DNAAF4: variants seen among roughly 807,000 people sequenced by gnomAD.
The protein encoded by DNAAF4 is dynein axonemal assembly factor 4, also known as dynein assembly factor 4, axonemal.
A neutral mutation model predicts 51.8 loss-of-function variants in DNAAF4; 43 were observed. The observed-to-expected ratio is 0.83, with a 90% CI of 0.65 to 1.07. The LOEUF is 1.07. DNAAF4 is among the 50% of genes least tolerant of loss of function. The probability of loss-of-function intolerance (pLI) is 0.00; values close to 1 mark genes in which losing one functional copy is unlikely to be tolerated. For synonymous variants in DNAAF4, 194 were observed against 165.6 expected (o/e 1.17, Z -1.32); for missense variants, 581 against 493.0 (o/e 1.18, Z -1.69).
rs753649614 is a variant in DNAAF4, at chr15:55,466,983, A to AT, written c.583dup (p.Ile195AsnfsTer4). Reference sequence around the variant, plus strand: ...ATTTCTAGTAAGACTCTTATATTTTATTTTTTTTCTTTCTTCTTTAATTTG... The same window carrying AT: ...ATTTCTAGTAAGACTCTTATATTTTATTTTTTTTTCTTTCTTCTTTAATTTG... On this transcript the variant is annotated frameshift_variant, in exon 5 of 10. Transcript: ENST00000321149. LOFTEE classifies it high-confidence loss of function. 2.4e-5 allele frequency: 38 copies of AT among 1,582,588 alleles called. No individual in the cohort carries two copies. Among genetic ancestry groups the AT allele is most frequent in the Non-Finnish European group, 2.9e-5 (34 of 1,169,916 alleles).
At chr15:55,483,037 G>T (rs1397668096) in intron 4 of DNAAF4, among the ~76,000 whole-genome samples, 1 of 152,134 alleles carries the variant, frequency 6.6e-6, no homozygotes, top group African/African-American at 2.4e-5. Flanking sequence ...TCCTCCAGGG[G>T]CTATGGTGGA....
chr15:55,503,063 A>T (rs905716669), intron 1 of DNAAF4, among the ~76,000 whole-genome samples: 2 of 152,200 alleles, frequency 1.3e-5, no homozygotes, highest in African/African-American at 4.8e-5. Flanking sequence ...AAAGAATCAA[A>T]TAGACGCAAT....
intron 5 of DNAAF4, 109 bp downstream of exon 5, chr15:55,466,821 T>C: frequency 7.4e-7 from 1 of 1,355,848 alleles, no homozygotes; most frequent in Non-Finnish European, 1.0e-6. Context: ...TTATTCTCAA[T>C]GTGCCAAAAC....
chr15:55,468,575 C>T (rs566092567), intron 4 of DNAAF4, among the ~76,000 whole-genome samples: 1 of 152,170 alleles, frequency 6.6e-6, no homozygotes, highest in Non-Finnish European at 1.5e-5. Context: ...GAGGAAGCCA[C>T]AACCTAAAAG....
At chr15:55,504,787 C>G (rs893752905) in intron 1 of DNAAF4, among the ~76,000 whole-genome samples, 1 of 152,158 alleles carries the variant, frequency 6.6e-6, no homozygotes, top group African/African-American at 2.4e-5. Context: ...GGATTAAAGA[C>G]TTAAATGTAA....
intron 3 of DNAAF4, among the ~76,000 whole-genome samples, chr15:55,493,292 T>C (rs952384145): frequency 8.5e-5 from 13 of 152,234 alleles, no homozygotes; most frequent in African/African-American, 3.1e-4. Context: ...CAGACTAAGA[T>C]ACTACTATTA....
At position 55,418,590 on chromosome 15, in the gene DNAAF4, T is replaced by C. The variant is rs140219582; in HGVS notation, c.1048-457A>G. The C allele has an allele frequency of 3.7e-3, 5,109 of 1,366,370 alleles. 16 individuals are homozygous for C. The highest frequency in any genetic ancestry group is 4.3e-3 in the Non-Finnish European group (4,425 of 1,026,934). 84.6% of individuals were successfully genotyped at this position (1,366,370 alleles called of 1,614,324 possible). On this transcript the variant is annotated intron_variant, in intron 7 of 7. Transcript: ENST00000448430. ...CTATGAAAATATATTCCTTTGTATA[T>C]TGAAGAGAAAATATACTCGGGAAAA...
chr15:55,467,303 G>A (rs1167139255), intron 4 of DNAAF4, 142 bp from the exon 5 acceptor site: 7 of 817,238 alleles, frequency 8.6e-6, no homozygotes, highest in Admixed American at 2.9e-5. Flanking sequence ...AGTGAATTAT[G>A]AATTAAAATG....
At chr15:55,505,002 A>G (rs1320602523) in intron 1 of DNAAF4, among the ~76,000 whole-genome samples, 1 of 152,210 alleles carries the variant, frequency 6.6e-6, no homozygotes, top group Non-Finnish European at 1.5e-5. Flanking sequence ...GAATGGGAGA[A>G]AATTTTTGCA....
At position 55,456,230 on chromosome 15, in the gene DNAAF4, C is replaced by T. The variant is rs113919401; in HGVS notation, c.638-5863G>A. Among the ~76,000 whole-genome samples the T allele has an allele frequency of 3.2e-3, 485 of 151,748 alleles. 1 individual carries two copies. Among genetic ancestry groups the T allele is most frequent in the African/African-American group, 0.011 (457 of 41,392 alleles). On this transcript the variant is annotated intron_variant, in intron 5 of 9. Transcript: ENST00000321149. ...CCCGAGTAGCTGGGATTACAGGCAC[C>T]CACCACCACGTCCGGCTAGTTTTGT...
At chr15:55,464,894 G>A (rs1242518002) in intron 5 of DNAAF4, among the ~76,000 whole-genome samples, 1 of 152,154 alleles carries the variant, frequency 6.6e-6, no homozygotes, top group African/African-American at 2.4e-5. Context: ...GGCAGAGGTT[G>A]TGGTGAGCCG....
chr15:55,435,954 A>G (rs927255297), intron 7 of DNAAF4, among the ~76,000 whole-genome samples: 1 of 151,902 alleles, frequency 6.6e-6, no homozygotes, highest in East Asian at 1.9e-4. Context: ...ACGCCTGGCT[A>G]ATTTTGTATT....
intron 1 of DNAAF4, among the ~76,000 whole-genome samples, chr15:55,499,289 T>C (rs1567037095): frequency 6.6e-6 from 1 of 152,180 alleles, no homozygotes; most frequent in Non-Finnish European, 1.5e-5. Flanking sequence ...ACACCTCTGT[T>C]GAGTGTTGGG....
chr15:55,464,856 G>A (rs777024589), intron 5 of DNAAF4, among the ~76,000 whole-genome samples: 4 of 152,164 alleles, frequency 2.6e-5, no homozygotes, highest in Non-Finnish European at 4.4e-5. Context: ...TCGGGAGGCT[G>A]AAGCAGGAGA....
intron 4 of DNAAF4, among the ~76,000 whole-genome samples, chr15:55,489,021 A>C (rs545178782): frequency 3.9e-5 from 6 of 152,022 alleles, no homozygotes; most frequent in Admixed American, 6.6e-5. Flanking sequence ...CCCAGGATGC[A>C]GAGCTTGCAG....
intron 4 of DNAAF4, among the ~76,000 whole-genome samples, chr15:55,478,340 C>T (rs1386779714): frequency 6.6e-6 from 1 of 152,184 alleles, no homozygotes; most frequent in African/African-American, 2.4e-5. Flanking sequence ...GCTGCCCAGT[C>T]CCCTTGTTCA....
At chr15:55,475,242 C>T (rs1020286158) in intron 4 of DNAAF4, among the ~76,000 whole-genome samples, 26 of 152,032 alleles carry the variant, frequency 1.7e-4, no homozygotes, top group African/African-American at 5.8e-4. Flanking sequence ...GATTTTGTGG[C>T]AACATGAAGA....
At chr15:55,497,622 C>T in intron 3 of DNAAF4, 90 bp downstream of exon 3, 1 of 1,435,994 alleles carries the variant, frequency 7.0e-7, no homozygotes, top group Non-Finnish European at 9.3e-7. Context: ...TCTTCCCCTA[C>T]ACAATATAGG....
At chr15:55,422,833 C>T (rs947283260) in intron 7 of DNAAF4, among the ~76,000 whole-genome samples, 2 of 151,994 alleles carry the variant, frequency 1.3e-5, no homozygotes, top group African/African-American at 4.8e-5. Flanking sequence ...TCCATCTCTA[C>T]TAAAAATACA....
Sources: gnomAD v4.1 joint callset for allele counts (sites outside exome capture counted in the v4.1 genomes callset) on GRCh38, gnomAD v4.1.1 for gene constraint, MANE v1.5 for transcripts, NCBI Gene and HGNC (gene_info 2026-07-23, HGNC 2026-07-21) for gene names.